SYNPO2: variants seen among roughly 807,000 people sequenced by gnomAD.
SYNPO2 encodes the protein synaptopodin-2.
Under a neutral mutation model 85.0 loss-of-function variants are expected in SYNPO2, and 56 were observed. The ratio of observed to expected loss-of-function variants is 0.66; its 90% CI spans 0.53 to 0.82. The LOEUF is 0.82. Ranked by LOEUF, SYNPO2 falls within the 40% of genes least tolerant of loss-of-function variation. SYNPO2 has a pLI of 0.00. For missense variants in SYNPO2, 1,575 were observed against 1,534.2 expected, an observed-to-expected ratio of 1.03 and a Z score of -0.44; for synonymous variants, 602 against 591.1, an observed-to-expected ratio of 1.02 and a Z score of -0.27.
chr4:119,055,936 T>G (rs1739191843), intron 4 of SYNPO2, among the ~76,000 whole-genome samples: 1 of 152,212 alleles, frequency 6.6e-6, no homozygotes, highest in African/African-American at 2.4e-5. Flanking sequence ...TCTGAGATAT[T>G]TTGCCTAAAT....
chr4:118,928,388 G>T (rs1294498680), intron 1 of SYNPO2, among the ~76,000 whole-genome samples: 3 of 152,108 alleles, frequency 2.0e-5, no homozygotes, highest in African/African-American at 7.2e-5. Context: ...GAGAAAGCTT[G>T]CCAACCTGCA....
At chr4:119,037,732 C>A in intron 4 of SYNPO2, 1 of 869,858 alleles carries the variant, frequency 1.1e-6, no homozygotes, top group Non-Finnish European at 1.4e-6. Context: ...ATTAGCTGAG[C>A]ACAAAATTTG....
At chr4:118,961,635 T>C (rs1205020824) in intron 1 of SYNPO2, among the ~76,000 whole-genome samples, 1 of 152,172 alleles carries the variant, frequency 6.6e-6, no homozygotes, top group Non-Finnish European at 1.5e-5. Context: ...ATTTTTTGTG[T>C]TTATTGTTAG....
At chr4:118,981,327 A>G (rs956566534) in intron 1 of SYNPO2, among the ~76,000 whole-genome samples, 2 of 152,192 alleles carry the variant, frequency 1.3e-5, no homozygotes, top group Non-Finnish European at 2.9e-5. Context: ...AGAATTCCTA[A>G]GCCTGCTCAC....
chr4:119,032,337 C>A, intron 4 of SYNPO2: 1 of 1,274,288 alleles, frequency 7.8e-7, no homozygotes, highest in Non-Finnish European at 1.0e-6. Flanking sequence ...AGGATTTGTG[C>A]TGTAGCCACA....
Position 119,037,180 on chromosome 4 carries a change from C to G in SYNPO2, c.3252+5153C>G, listed in dbSNP as rs756692521. On this transcript the variant is annotated intron_variant, in intron 4 of 4. Transcript: ENST00000307142. The stretch of plus-strand genomic sequence containing the variant: ...CCTACTTCCCAGCCTACCTTTCTTC[C>G]TCTACCTGATAATGATAATACTCAA... 2.6e-6 allele frequency: 4 copies of G among 1,544,490 alleles called. No individual in the cohort carries two copies. In the South Asian group the frequency reaches 4.8e-5, roughly 19 times the overall value.
chr4:118,900,317 C>T (rs890239576), intron 1 of SYNPO2, among the ~76,000 whole-genome samples: 3 of 152,032 alleles, frequency 2.0e-5, no homozygotes, highest in African/African-American at 4.8e-5. Flanking sequence ...AAAAGCCACT[C>T]GTCATCACAG....
intron 1 of SYNPO2, among the ~76,000 whole-genome samples, chr4:118,875,054 C>T (rs986715307): frequency 6.6e-6 from 1 of 152,132 alleles, no homozygotes; most frequent in Admixed American, 6.5e-5. Flanking sequence ...TCCCCCACCA[C>T]GTGTCCATAT....
intron 4 of SYNPO2, among the ~76,000 whole-genome samples, chr4:119,044,201 A>G (rs1188038100): frequency 1.3e-5 from 2 of 152,222 alleles, no homozygotes; most frequent in Non-Finnish European, 2.9e-5. Context: ...GATGTTTCCT[A>G]AGTTTCCCAT....
intron 1 of SYNPO2, among the ~76,000 whole-genome samples, chr4:118,925,698 G>T (rs1199787722): frequency 6.6e-6 from 1 of 152,142 alleles, no homozygotes; most frequent in Non-Finnish European, 1.5e-5. Context: ...CAGCGGGTCA[G>T]TTTAATTCTG....
At chr4:118,859,822 G>A (rs1451871888) in intron 1 of SYNPO2, among the ~76,000 whole-genome samples, 1 of 152,066 alleles carries the variant, frequency 6.6e-6, no homozygotes, top group Admixed American at 6.6e-5. Context: ...TGGTTGATGC[G>A]CCCTTCAAAC....
At chr4:118,912,134 A>G (rs959532181) in intron 1 of SYNPO2, among the ~76,000 whole-genome samples, 1 of 152,236 alleles carries the variant, frequency 6.6e-6, no homozygotes, top group African/African-American at 2.4e-5. Context: ...TGATCACGAG[A>G]TGCAATGAAA....
intron 1 of SYNPO2, among the ~76,000 whole-genome samples, chr4:118,882,371 A>G (rs887699251): frequency 6.6e-6 from 1 of 152,208 alleles, no homozygotes; most frequent in African/African-American, 2.4e-5. Flanking sequence ...TTCCCTAAAA[A>G]TTATCTTTAC....
chr4:118,910,818 A>G (rs568680930), intron 1 of SYNPO2, among the ~76,000 whole-genome samples: 3 of 152,234 alleles, frequency 2.0e-5, no homozygotes, highest in East Asian at 3.9e-4. Flanking sequence ...TATGTACCCA[A>G]CTACTTTTCT....
chr4:119,027,424 G>A lies in SYNPO2; in HGVS notation c.1055G>A (p.Arg352Gln). The A allele has an allele frequency of 6.3e-7, 1 of 1,596,514 alleles. No homozygotes were observed. Among genetic ancestry groups the A allele is most frequent in the Non-Finnish European group, 8.6e-7 (1 of 1,167,920 alleles). The change falls in exon 3 of 5, where the codon CGA becomes CAA. Residue 352 changes from arginine (R) to glutamine (Q), a missense_variant. Physicochemically the swap from Arg to Gln is conservative, Grantham distance 43. Transcript: ENST00000307142. ...GATCACAGCAGACCTCACAAGCACC[G>A]AGCGCGGCATGCACGTAAGTTCTGC... ...EKDHSRPHKHRARHARLRRSE... is the reference protein window; with the variant it reads ...EKDHSRPHKHQARHARLRRSE...
intron 1 of SYNPO2, among the ~76,000 whole-genome samples, chr4:119,007,636 G>A (rs941941768): frequency 6.6e-6 from 1 of 151,932 alleles, no homozygotes; most frequent in African/African-American, 2.4e-5. Flanking sequence ...ACTCATCAGC[G>A]GCACCAGAGT....
intron 1 of SYNPO2, among the ~76,000 whole-genome samples, chr4:118,860,411 T>G (rs1164406939): frequency 3.3e-5 from 5 of 151,964 alleles, no homozygotes; most frequent in African/African-American, 4.8e-5. Context: ...ACCTGGCTAC[T>G]TTTTGTGTTT....
rs372848851 is a variant in SYNPO2 at position 119,030,079 on chromosome 4, T to G, written c.1304T>G (p.Val435Gly). ...EEGDKEDTCE[V>G]AFLGASESEV... ...GGTGACAAGGAGGATACATGTGAAG[T>G]AGCATTTCTTGGTGCAAGCGAATCA... The change falls in exon 4 of 5, where the codon GTA becomes GGA. Residue 435 changes from valine to glycine, a missense_variant. This residue lies in a region of SYNPO2 where 1,508 missense variants were observed against 1,446.8 expected (regional missense o/e 1.04). Transcript: ENST00000307142. 1.2e-6 allele frequency: 2 copies of G among 1,613,912 alleles called. No individual in the cohort carries two copies. The highest frequency in any genetic ancestry group is 1.3e-5 in the African/African-American group (1 of 74,874).
chr4:118,867,372 T>C (rs530587409), intron 1 of SYNPO2, among the ~76,000 whole-genome samples: 147 of 152,304 alleles, frequency 9.7e-4, no homozygotes, highest in African/African-American at 3.1e-3. Context: ...TTATTGTGTA[T>C]TGGGTGAGCC....
Sources: allele counts gnomAD v4.1 joint callset (sites outside exome capture counted in the v4.1 genomes callset), GRCh38; gene constraint gnomAD v4.1.1; regional missense constraint gnomAD v4.1.1; transcripts MANE v1.5; gene names NCBI Gene and HGNC (gene_info 2026-07-23, HGNC 2026-07-21).